Variants in MARCHF3 observed in about 807,000 individuals in gnomAD.
MARCHF3 encodes the protein membrane associated ring-CH-type finger 3.
In MARCHF3, 13 loss-of-function variants were observed where a neutral mutation model predicts 24.2. That is an observed-to-expected ratio of 0.54 (90% CI 0.35 to 0.85). The LOEUF is 0.85. Among genes scored for constraint, MARCHF3 ranks in the 40% least tolerant of loss-of-function variants. The pLI, the probability that MARCHF3 is intolerant of heterozygous loss-of-function variation, is 0.01. For synonymous variants in MARCHF3, 144 were observed against 137.3 expected (o/e 1.05, Z -0.34); for missense variants, 276 against 325.0 (o/e 0.85, Z 1.16).
intron 2 of MARCHF3, among the ~76,000 whole-genome samples, chr5:126,915,754 C>T (rs1754707302): frequency 6.6e-6 from 1 of 152,200 alleles, no homozygotes; most frequent in Non-Finnish European, 1.5e-5. Context: ...GTATGTCCCA[C>T]TGAGGTAGCC....
chr5:126,910,784 C>G (rs886228716), intron 3 of MARCHF3, among the ~76,000 whole-genome samples: 5 of 152,134 alleles, frequency 3.3e-5, no homozygotes, highest in African/African-American at 1.2e-4. Flanking sequence ...AACAGGATAA[C>G]AGCAATGTTC....
At chr5:126,896,624 C>A (rs1753929868) in intron 3 of MARCHF3, among the ~76,000 whole-genome samples, 1 of 152,052 alleles carries the variant, frequency 6.6e-6, no homozygotes. Context: ...CACCAGCTCT[C>A]CCTTTAAGAC....
intron 3 of MARCHF3, among the ~76,000 whole-genome samples, chr5:126,914,303 T>G: frequency 6.6e-6 from 1 of 152,062 alleles, no homozygotes; most frequent in Non-Finnish European, 1.5e-5. Flanking sequence ...TAACATTAGG[T>G]TATTGGCTGA....
intron 1 of MARCHF3, among the ~76,000 whole-genome samples, chr5:127,002,590 A>G (rs1287475846): frequency 6.6e-6 from 1 of 152,226 alleles, no homozygotes; most frequent in Admixed American, 6.5e-5. Context: ...TGTTTTCTGC[A>G]TTGATTTAAA....
At chr5:126,967,897 G>A (rs1476728164) in intron 1 of MARCHF3, among the ~76,000 whole-genome samples, 1 of 152,058 alleles carries the variant, frequency 6.6e-6, no homozygotes, top group Non-Finnish European at 1.5e-5. Context: ...ACAACATTGT[G>A]CAACCATCAC....
rs555605448 is a variant in MARCHF3 at position 126,957,288 on chromosome 5, T to C, written c.-56-39061A>G. On this transcript the variant is annotated intron_variant, in intron 1 of 4. Coordinates refer to ENST00000308660, the MANE Select transcript of MARCHF3 (RefSeq NM_178450.5). The stretch of plus-strand genomic sequence containing the variant: ...TGTATATATTAAAGATAGTAACCTT[T>C]TGTCACATATGTTTAACTTTAAAAA... 1.6e-4 allele frequency among the ~76,000 whole-genome samples: 24 copies of C among 152,318 alleles called. No homozygotes were observed. In the East Asian group the frequency reaches 2.7e-3, roughly 17 times the overall value.
chr5:126,993,167 C>T (rs1233420628), intron 1 of MARCHF3, among the ~76,000 whole-genome samples: 3 of 152,118 alleles, frequency 2.0e-5, no homozygotes, highest in African/African-American at 7.2e-5. Context: ...CTGATTTTTC[C>T]GTTGAGTATA....
chr5:126,966,989 T>C (rs1465788804), intron 1 of MARCHF3, among the ~76,000 whole-genome samples: 5 of 145,370 alleles, frequency 3.4e-5, no homozygotes, highest in African/African-American at 1.3e-4. Context: ...TTTATTTTCA[T>C]ATGTTTTTGG....
intron 1 of MARCHF3, among the ~76,000 whole-genome samples, chr5:126,945,782 G>A (rs920624151): frequency 2.6e-5 from 4 of 152,192 alleles, no homozygotes; most frequent in Non-Finnish European, 5.9e-5. Flanking sequence ...TCTTACCTCA[G>A]CTGAACCTCA....
At chr5:126,915,207 T>C (rs1439312373) in intron 2 of MARCHF3, 73 bp from the exon 3 acceptor site, 11 of 1,481,734 alleles carry the variant, frequency 7.4e-6, no homozygotes, top group Non-Finnish European at 9.2e-6. Context: ...CCTCTAGCTC[T>C]TGTCCTTTGG....
chr5:126,944,639 T>C (rs1194408676), intron 1 of MARCHF3, among the ~76,000 whole-genome samples: 1 of 152,168 alleles, frequency 6.6e-6, no homozygotes, highest in Non-Finnish European at 1.5e-5. Flanking sequence ...TTTCACACCC[T>C]GAAGAGGTAT....
chr5:127,008,991 G>A (rs1422209278), intron 1 of MARCHF3, among the ~76,000 whole-genome samples: 1 of 151,942 alleles, frequency 6.6e-6, no homozygotes, highest in Non-Finnish European at 1.5e-5. Flanking sequence ...TATAGCAGCA[G>A]GATCTGGTTA....
chr5:126,896,865 C>T (rs909962392), intron 3 of MARCHF3, among the ~76,000 whole-genome samples: 1 of 151,910 alleles, frequency 6.6e-6, no homozygotes, highest in African/African-American at 2.4e-5. Context: ...ATCTGTGACC[C>T]CTTTGAACCT....
chr5:127,012,071 T>A (rs950932295), intron 1 of MARCHF3, among the ~76,000 whole-genome samples: 1 of 152,228 alleles, frequency 6.6e-6, no homozygotes, highest in African/African-American at 2.4e-5. Flanking sequence ...GGGCCTCTAA[T>A]CTTAGCTGTG....
chr5:127,010,760 T>C (rs1269053304), intron 1 of MARCHF3, among the ~76,000 whole-genome samples: 2 of 152,200 alleles, frequency 1.3e-5, no homozygotes, highest in African/African-American at 4.8e-5. Flanking sequence ...TGACATATAC[T>C]AAAACATGAG....
intron 1 of MARCHF3, among the ~76,000 whole-genome samples, chr5:126,968,855 T>C (rs1750903719): frequency 6.6e-6 from 1 of 152,178 alleles, no homozygotes; most frequent in South Asian, 2.1e-4. Flanking sequence ...GTGCCTAGCC[T>C]ATTTTTTTCA....
intron 1 of MARCHF3, among the ~76,000 whole-genome samples, chr5:126,934,717 G>A (rs1440790418): frequency 6.6e-6 from 1 of 151,988 alleles, no homozygotes; most frequent in African/African-American, 2.4e-5. Flanking sequence ...GAAGGAAGAG[G>A]GGGAAGAAAG....
chr5:127,018,881 T>C (rs1225982123), intron 1 of MARCHF3, among the ~76,000 whole-genome samples: 1 of 152,232 alleles, frequency 6.6e-6, no homozygotes, highest in African/African-American at 2.4e-5. Context: ...TCTTGGATGC[T>C]AAAATCCTAA....
intron 1 of MARCHF3, among the ~76,000 whole-genome samples, chr5:126,956,678 AAAC>A (rs1750459370): frequency 6.6e-6 from 1 of 150,908 alleles, no homozygotes; most frequent in Non-Finnish European, 1.5e-5. Context: ...AAAACCAAAA[AAAC>A]AACAACAAAA....
Sources: allele counts gnomAD v4.1 joint callset (sites outside exome capture counted in the v4.1 genomes callset), GRCh38; gene constraint gnomAD v4.1.1; transcripts MANE v1.5; gene names NCBI Gene and HGNC (gene_info 2026-07-23, HGNC 2026-07-21).